The following SLC26A9 variants were observed in gnomAD, a reference collection of about 807,000 sequenced individuals.
SLC26A9 encodes the protein solute carrier family 26 member 9.
In SLC26A9, 46 loss-of-function variants were observed where a neutral mutation model predicts 87.1. The ratio of observed to expected loss-of-function variants is 0.53; its 90% CI spans 0.42 to 0.67. SLC26A9 has a LOEUF of 0.67. Ranked by LOEUF, SLC26A9 falls within the 30% of genes least tolerant of loss-of-function variation. SLC26A9 has a pLI of 0.00. For synonymous variants in SLC26A9, 437 were observed against 409.1 expected, an observed-to-expected ratio of 1.07 and a Z score of -0.82; for missense variants, 927 against 1,018.3, an observed-to-expected ratio of 0.91 and a Z score of 1.22.
intron 18 of SLC26A9, among the ~76,000 whole-genome samples, 184 bp from the exon 19 acceptor site, chr1:205,919,169 T>C (rs1482819729): frequency 6.6e-6 from 1 of 152,164 alleles, no homozygotes; most frequent in Non-Finnish European, 1.5e-5. Flanking sequence ...CAACATGAAC[T>C]TGAGGATGCT....
chr1:205,918,794 T>A (rs751924390), intron 19 of SLC26A9, 46 bp downstream of exon 19: 1 of 1,586,564 alleles, frequency 6.3e-7, no homozygotes, highest in African/African-American at 1.3e-5. Flanking sequence ...GGTCCTGCTA[T>A]TTCAGTGCCT....
At chr1:205,920,028 C>T in intron 18 of SLC26A9, 148 bp downstream of exon 18, 1 of 823,756 alleles carries the variant, frequency 1.2e-6, no homozygotes, top group Non-Finnish European at 2.0e-6. Flanking sequence ...TGGACTTGTA[C>T]CTGAAGCTTT....
At chr1:205,924,329 G>A (rs746151733) in intron 13 of SLC26A9, 54 bp downstream of exon 13, 520 of 1,544,616 alleles carry the variant, frequency 3.4e-4, no homozygotes, top group Middle Eastern at 1.9e-3. Flanking sequence ...AGCCCTTTGC[G>A]GGCTGGCCCA....
chr1:205,919,663 G>A (rs1658739241), intron 18 of SLC26A9, among the ~76,000 whole-genome samples: 1 of 152,164 alleles, frequency 6.6e-6, no homozygotes, highest in African/African-American at 2.4e-5. Flanking sequence ...AATGTCTGCT[G>A]CCCTGTGGCC....
At position 205,916,721 on chromosome 1, in the gene SLC26A9, G is replaced by A. The variant is rs112503310; in HGVS notation, c.2328+562C>T. ...TTGCTCAGGGTCACGTGGGTGATGT[G>A]TTGGAGAATAAGAATAGATACTGGT... On this transcript the variant is annotated intron_variant, in intron 20 of 20. Coordinates refer to ENST00000367135, the MANE Select transcript of SLC26A9 (RefSeq NM_052934.4). 4.9e-3 allele frequency among the ~76,000 whole-genome samples: 746 copies of A among 152,316 alleles called. 9 individuals carry two copies. Among genetic ancestry groups the A allele is most frequent in the South Asian group, 0.022 (107 of 4,824 alleles).
Position 205,917,090 on chromosome 1 carries a change from C to T in SLC26A9, c.2328+193G>A, listed in dbSNP as rs1293517486. On this transcript the variant is annotated intron_variant, in intron 20 of 20. Transcript: ENST00000367135. ...TCTGGGTGATAGAGTGAGACTTTGT[C>T]TCAAATTAAAAAAAAAAAAAAAAGA... 2.2e-5 allele frequency among the ~76,000 whole-genome samples: 3 copies of T among 137,526 alleles called. 1 individual carries two copies. Among genetic ancestry groups the T allele is most frequent in the Admixed American group, 1.5e-4 (2 of 13,712 alleles). 90.2% of individuals were successfully genotyped at this position (137,526 alleles called of 152,430 possible). A position where few individuals can be genotyped will look rare whatever the true frequency, so the allele number is the denominator to read the frequency against.
intron 12 of SLC26A9, among the ~76,000 whole-genome samples, chr1:205,925,193 A>G (rs1010171273): frequency 6.6e-6 from 1 of 152,208 alleles, no homozygotes; most frequent in Non-Finnish European, 1.5e-5. Context: ...GTCCTAGCCT[A>G]GTGATGGATG....
chr1:205,933,674 T>C (rs1659399666), intron 2 of SLC26A9, among the ~76,000 whole-genome samples: 1 of 152,162 alleles, frequency 6.6e-6, no homozygotes, highest in Non-Finnish European at 1.5e-5. Context: ...CTGCTGCCAT[T>C]TTTCTTAGAA....
At position 205,938,839 on chromosome 1, in the gene SLC26A9, T is replaced by C. The variant is rs61274936; in HGVS notation, c.-18-3001A>G. Among the ~76,000 whole-genome samples, 792 of 152,302 alleles carry C rather than the reference T, an allele frequency of 5.2e-3. 5 individuals carry two copies. Among genetic ancestry groups the C allele is most frequent in the African/African-American group, 0.018 (756 of 41,560 alleles). On this transcript the variant is annotated intron_variant, in intron 1 of 20. Transcript: ENST00000367135. ...TGCACCCCTCCAGCCTGTACACTAG[T>C]GTTGGCTTTGGCCATTTTTCTTTGG...
intron 4 of SLC26A9, among the ~76,000 whole-genome samples, chr1:205,932,369 G>C (rs1439805937): frequency 6.6e-6 from 1 of 152,206 alleles, no homozygotes; most frequent in African/African-American, 2.4e-5. Flanking sequence ...TGTCCCTGTA[G>C]TGGCCGGCTG....
At chr1:205,927,746 G>T in intron 9 of SLC26A9, 141 bp from the exon 10 acceptor site, 1 of 1,404,904 alleles carries the variant, frequency 7.1e-7, no homozygotes, top group Non-Finnish European at 9.8e-7. Flanking sequence ...TCCCAGTCAA[G>T]AGGAGGTCAG....
chr1:205,918,679 A>G (rs1026338534), intron 19 of SLC26A9, among the ~76,000 whole-genome samples, 161 bp downstream of exon 19: 2 of 152,266 alleles, frequency 1.3e-5, no homozygotes, highest in Admixed American at 1.3e-4. Context: ...ATGTTAGTTG[A>G]TGGTGCTCAT....
chr1:205,916,336 G>C (rs1037237339), intron 20 of SLC26A9, among the ~76,000 whole-genome samples: 1 of 152,046 alleles, frequency 6.6e-6, no homozygotes, highest in East Asian at 1.9e-4. Context: ...ACCTCAGGTG[G>C]TCCGCCCACC....
intron 8 of SLC26A9, chr1:205,928,355 C>A (rs1659169017): frequency 2.3e-6 from 1 of 439,950 alleles, no homozygotes; most frequent in Non-Finnish European, 4.1e-6. Flanking sequence ...GTCCACAGAC[C>A]CCTAGACCTT....
Position 205,929,434 on chromosome 1 carries a change from G to A in SLC26A9, c.718-78C>T, listed in dbSNP as rs146498642. ...CCCCACCTTTGGGTGTCTGACCCAG[G>A]GAAGGGATGCCATCAAAGCTAATGG... On this transcript the variant is annotated intron_variant, in intron 6 of 20. Transcript: ENST00000367135. 250 of 1,558,674 alleles carry A rather than the reference G, an allele frequency of 1.6e-4. No homozygotes were observed. In the African/African-American group the frequency reaches 3.1e-3, roughly 19 times the overall value.
intron 2 of SLC26A9, among the ~76,000 whole-genome samples, chr1:205,933,665 T>C (rs1345295871): frequency 2.0e-5 from 3 of 152,222 alleles, no homozygotes; most frequent in Non-Finnish European, 4.4e-5. Context: ...GGGGCCTGCC[T>C]GCTGCCATTT....
chr1:205,914,762 G>C lies in SLC26A9; in HGVS notation c.*595C>G, dbSNP rs11240589. The C allele has an allele frequency of 0.025, 28,265 of 1,151,924 alleles. 4,456 individuals are homozygous for C. In the East Asian group the frequency reaches 0.44, roughly 18 times the overall value. The allele number at this position is 1,151,924 out of a possible 1,614,324, so 71.4% of individuals were successfully genotyped here. ...TTTGGGCAGCCTTGGGGATGATGGA[G>C]GGGGGGCGCATAGTTACCAAGGCCT... On this transcript the variant is annotated 3_prime_UTR_variant, in exon 21 of 21. Coordinates refer to ENST00000367135, the MANE Select transcript of SLC26A9 (RefSeq NM_052934.4).
chr1:205,922,508 T>C (rs9438439), intron 16 of SLC26A9, among the ~76,000 whole-genome samples: 85,374 of 152,112 alleles, frequency 0.56, 26,141 homozygotes, highest in Non-Finnish European at 0.68. Context: ...CTCTGGGTTG[T>C]TCAAAAGTCC....
In SLC26A9 at chr1:205,924,447, G is replaced by A. The variant is rs1238180214; in HGVS notation, c.1432C>T (p.Leu478=). The change falls in exon 13 of 21, where the codon CTG becomes TTG. Residue 478 remains leucine (L), a synonymous_variant. Coordinates refer to ENST00000367135, the MANE Select transcript of SLC26A9 (RefSeq NM_052934.4). ...ACACCCACTGCCACACCATAGGGCA[G>A]GCTGAGGAAGAAGGAGGAGAGGAAG... is the stretch of plus-strand genomic sequence containing the variant. ...VSFLSSFFLS[L]PYGVAVGVAF... is the part of the protein sequence containing the mutation. The A allele has an allele frequency of 6.2e-7, 1 of 1,614,198 alleles. No homozygotes were observed. The highest frequency in any genetic ancestry group is 1.7e-5 in the Admixed American group (1 of 60,022).
Sources: gnomAD v4.1 joint callset for allele counts (sites outside exome capture counted in the v4.1 genomes callset) on GRCh38, gnomAD v4.1.1 for gene constraint, MANE v1.5 for transcripts, NCBI Gene and HGNC (gene_info 2026-07-23, HGNC 2026-07-21) for gene names.